Variants in TIMM29 observed in about 807,000 individuals in gnomAD.
TIMM29 encodes mitochondrial import inner membrane translocase subunit Tim29.
Under a neutral mutation model 19.5 loss-of-function variants are expected in TIMM29, and 23 were observed. The observed-to-expected ratio is 1.18, with a 90% CI of 0.85 to 1.67. The LOEUF is 1.67. Ranked by LOEUF, TIMM29 falls within the 40% of genes most tolerant of loss-of-function variation. The pLI is 0.00. For missense variants in TIMM29, 404 were observed against 384.7 expected (o/e 1.05, Z -0.42); for synonymous variants, 209 against 185.0 (o/e 1.13, Z -1.05).
chr19:10,928,998 G>T lies in TIMM29; in HGVS notation c.95-16G>T. On this transcript the variant is annotated splice_polypyrimidine_tract_variant and intron_variant, in intron 1 of 1. Coordinates refer to ENST00000270502, the MANE Select transcript of TIMM29 (RefSeq NM_138358.4). ...GCCGCGGCCGGATCACTCTTACCGC[G>T]CTCCTCTCCCCTCAGGGTCCTGGGC... 3 of 1,460,234 alleles carry T rather than the reference G, an allele frequency of 2.1e-6. No homozygotes were observed. Among genetic ancestry groups the T allele is most frequent in the Non-Finnish European group, 2.7e-6 (3 of 1,121,378 alleles). The allele number at this position is 1,460,234 out of a possible 1,614,324, so 90.5% of individuals were successfully genotyped here.
Position 10,929,168 on chromosome 19 carries a change from C to T in TIMM29, c.249C>T (p.Phe83=). 1 of 1,455,492 alleles carries T rather than the reference C, an allele frequency of 6.9e-7. No individual in the cohort carries two copies. Among genetic ancestry groups the T allele is most frequent in the South Asian group, 1.4e-5 (1 of 70,886 alleles). The allele number at this position is 1,455,492 out of a possible 1,614,324, so 90.2% of individuals were successfully genotyped here. A position where few individuals can be genotyped will look rare whatever the true frequency, so the allele number is the denominator to read the frequency against. ...CGCTGGCGCCCAGCGAGGGTGCCTT[C>T]GAGGAGGCGCTGCTGGAGGCGTCGG... ...CFTLAPSEGA[F]EEALLEASGT... The change falls in exon 2 of 2, where the codon TTC becomes TTT. Residue 83 remains phenylalanine (F), a synonymous_variant. Transcript: ENST00000270502.
rs1568367285 is a variant in TIMM29 at position 10,929,132 on chromosome 19, G to A, written c.213G>A (p.Ala71=). 2.7e-6 allele frequency: 4 copies of A among 1,454,706 alleles called. No individual in the cohort carries two copies. Among genetic ancestry groups the A allele is most frequent in the Non-Finnish European group, 3.6e-6 (4 of 1,115,528 alleles). The allele number at this position is 1,454,706 out of a possible 1,614,324, so 90.1% of individuals were successfully genotyped here. The change falls in exon 2 of 2, where the codon GCG becomes GCA. Residue 71 remains alanine, a synonymous_variant. Transcript: ENST00000270502. ...AVYVGLLGGA[A]ACFTLAPSEG... ...ATGTGGGTCTGCTGGGCGGCGCGGC[G>A]GCCTGCTTCACGCTGGCGCCCAGCG...
In TIMM29 at chr19:10,929,056, G is replaced by A; in HGVS notation, c.137G>A (p.Cys46Tyr). 1 of 1,472,250 alleles carries A rather than the reference G, an allele frequency of 6.8e-7. No individual in the cohort carries two copies. Among genetic ancestry groups the A allele is most frequent in the Non-Finnish European group, 8.9e-7 (1 of 1,125,632 alleles). 91.2% of individuals were successfully genotyped at this position (1,472,250 alleles called of 1,614,324 possible). Residue 46 changes from cysteine (C) to tyrosine (Y), a missense_variant, in exon 2 of 2, where the codon TGC (cysteine) becomes TAC (tyrosine). Transcript: ENST00000270502. Reference sequence around the variant, plus strand: ...CTGCTCCGGGACTACGCCGAGGCCTGCAGGGACGCTTCGGCGGAGGCTAGG... The same window carrying A: ...CTGCTCCGGGACTACGCCGAGGCCTACAGGGACGCTTCGGCGGAGGCTAGG... The part of the protein sequence containing the change: ...RALLRDYAEA[C>Y]RDASAEARAR...
In TIMM29 at chr19:10,929,333, C is replaced by T; in HGVS notation, c.414C>T (p.Phe138=). ...GLCSLVYEAP[F]DAQASLYQAR... ...GCTCGCTGGTGTACGAGGCGCCCTT[C>T]GACGCCCAGGCCAGCCTCTACCAGG... Residue 138 remains phenylalanine (F), a synonymous_variant, in exon 2 of 2, where the codon TTC becomes TTT. Coordinates refer to ENST00000270502, the MANE Select transcript of TIMM29 (RefSeq NM_138358.4). The T allele has an allele frequency of 6.4e-7, 1 of 1,565,994 alleles. No individual in the cohort carries two copies. Among genetic ancestry groups the T allele is most frequent in the African/African-American group, 1.4e-5 (1 of 74,000 alleles).
chr19:10,929,629 T>C lies in TIMM29; in HGVS notation c.710T>C (p.Leu237Ser). 1 of 1,612,934 alleles carries C rather than the reference T, an allele frequency of 6.2e-7. No individual in the cohort carries two copies. ...VDQALWEEQVLQKEKKDRLAL... is the reference protein window; with the variant it reads ...VDQALWEEQVSQKEKKDRLAL... ...CAGGCGCTGTGGGAGGAGCAGGTCT[T>C]GCAGAAGGAGAAGAAGGACAGGCTC... Residue 237 changes from leucine to serine, a missense_variant, in exon 2 of 2, where the codon TTG (leucine) becomes TCG (serine). By Grantham distance (145) the Leu-to-Ser change is moderately radical (BLOSUM62 -2). Coordinates refer to ENST00000270502, the MANE Select transcript of TIMM29 (RefSeq NM_138358.4).
At position 10,930,008 on chromosome 19, in the gene TIMM29, G is replaced by T; in HGVS notation, c.*306G>T. 3.3e-6 allele frequency: 1 copy of T among 303,318 alleles called. No homozygotes were observed. Among genetic ancestry groups the T allele is most frequent in the Non-Finnish European group, 6.1e-6 (1 of 162,866 alleles). The allele number at this position is 303,318 out of a possible 1,614,324, so 18.8% of individuals were successfully genotyped here. On this transcript the variant is annotated 3_prime_UTR_variant, in exon 2 of 2. Transcript: ENST00000270502. ...GGGCCTCAGAGGCCCTCCTTAAGGA[G>T]GTACCACATTGGTCAGCTGACTTGC... is the stretch of plus-strand genomic sequence containing the variant.
rs994030404 is a variant in TIMM29 at position 10,929,684 on chromosome 19, G to A, written c.765G>A (p.Gln255=). The A allele has an allele frequency of 1.2e-6, 2 of 1,606,460 alleles. No individual in the cohort carries two copies. The highest frequency in any genetic ancestry group is 1.3e-5 in the African/African-American group (1 of 74,852). Residue 255 remains glutamine (Q), a synonymous_variant, in exon 2 of 2, where the codon CAG becomes CAA. Coordinates refer to ENST00000270502, the MANE Select transcript of TIMM29 (RefSeq NM_138358.4). ...LALSQAHSLV[Q]AEAPR ...TGAGCCAGGCCCACTCGCTGGTGCA[G>A]GCGGAGGCCCCGAGATGAAACCCTG...
chr19:10,929,427 G>T lies in TIMM29; in HGVS notation c.508G>T (p.Gly170Cys), dbSNP rs1396767589. The change falls in exon 2 of 2, where the codon GGT becomes TGT. Residue 170 changes from glycine (G) to cysteine (C), a missense_variant. Physicochemically the swap from Gly to Cys is radical, Grantham distance 159. Transcript: ENST00000270502. Reference protein sequence around the residue: ...PGRVLDVGFVGRWWVLGAWMR... With the variant: ...PGRVLDVGFVCRWWVLGAWMR... The stretch of plus-strand genomic sequence containing the variant: ...CCGGGTCCTGGACGTGGGCTTCGTG[G>T]GTCGCTGGTGGGTGCTGGGGGCCTG... 6.2e-7 allele frequency: 1 copy of T among 1,611,772 alleles called. No homozygotes were observed. Among genetic ancestry groups the T allele is most frequent in the Non-Finnish European group, 8.5e-7 (1 of 1,179,660 alleles).
In TIMM29 at chr19:10,928,828, C is replaced by G. The variant is rs1319575487; in HGVS notation, c.6C>G (p.Ala2=). The G allele has an allele frequency of 6.5e-7, 1 of 1,529,028 alleles. No homozygotes were observed. Among genetic ancestry groups the G allele is most frequent in the Non-Finnish European group, 8.8e-7 (1 of 1,141,352 alleles). The allele number at this position is 1,529,028 out of a possible 1,614,324, so 94.7% of individuals were successfully genotyped here. A position where few individuals can be genotyped will look rare whatever the true frequency, so the allele number is the denominator to read the frequency against. The change falls in exon 1 of 2, where the codon GCC becomes GCG. Residue 2 remains alanine (A), a synonymous_variant. Transcript: ENST00000270502. M[A]AAALRRFWSR... is the part of the protein sequence containing the mutation. ...GACCCCCAAGACGGAAGAGGATGGC[C>G]GCGGCGGCTCTGAGGAGATTTTGGT...
At position 10,929,607 on chromosome 19, in the gene TIMM29, GC is replaced by G. The variant is rs775396605; in HGVS notation, c.689del (p.Ala230GlyfsTer18). The G allele has an allele frequency of 4.0e-5, 64 of 1,612,942 alleles. 1 individual carries two copies. The highest frequency in any genetic ancestry group is 3.6e-5 in the Non-Finnish European group (43 of 1,180,038). ...GCTCACCGACGATCAGGTGGACCAG[GC>G]GCTGTGGGAGGAGCAGGTCTTGCAG... ...VVLTDDQVDQ[A>X]LWEEQVLQKE... On this transcript the variant is annotated frameshift_variant, in exon 2 of 2. Transcript: ENST00000270502. LOFTEE classifies it high-confidence loss of function.
In TIMM29 at chr19:10,929,584, T is replaced by C; in HGVS notation, c.665T>C (p.Leu222Pro). The C allele has an allele frequency of 6.2e-7, 1 of 1,613,018 alleles. No individual in the cohort carries two copies. The change falls in exon 2 of 2, where the codon CTC becomes CCC. Residue 222 changes from leucine (L) to proline (P), a missense_variant. Transcript: ENST00000270502. ...LFDEKYKPVVLTDDQVDQALW... is the reference protein window; with the variant it reads ...LFDEKYKPVVPTDDQVDQALW... Reference sequence around the variant, plus strand: ...GATGAGAAGTACAAGCCTGTCGTGCTCACCGACGATCAGGTGGACCAGGCG... The same window carrying C: ...GATGAGAAGTACAAGCCTGTCGTGCCCACCGACGATCAGGTGGACCAGGCG...
chr19:10,928,961 G>T, intron 1 of TIMM29, 45 bp downstream of exon 1: 1 of 1,475,464 alleles, frequency 6.8e-7, no homozygotes, highest in South Asian at 1.3e-5. Context: ...CGCCGCGACA[G>T]GGTGGGTGGC....
In TIMM29 at chr19:10,929,302, G is replaced by T. The variant is rs1181811585; in HGVS notation, c.383G>T (p.Gly128Val). 3 of 1,546,630 alleles carry T rather than the reference G, an allele frequency of 1.9e-6. No individual in the cohort carries two copies. The highest frequency in any genetic ancestry group is 1.4e-5 in the African/African-American group (1 of 73,292). ...GRGRLRYVNL[G>V]LCSLVYEAPF... ...GGCCGCCTGCGCTACGTCAACCTGGGGCTCTGCTCGCTGGTGTACGAGGCG... is the reference window on the plus strand; with the variant it reads ...GGCCGCCTGCGCTACGTCAACCTGGTGCTCTGCTCGCTGGTGTACGAGGCG... The change falls in exon 2 of 2, where the codon GGG becomes GTG. Residue 128 changes from glycine (G) to valine (V), a missense_variant. Coordinates refer to ENST00000270502, the MANE Select transcript of TIMM29 (RefSeq NM_138358.4).
rs1214947138 is a variant in TIMM29, at chr19:10,928,836, C to T, written c.14C>T (p.Ala5Val). Residue 5 changes from alanine (A) to valine (V), a missense_variant, in exon 1 of 2, where the codon GCT becomes GTT. By Grantham distance (64) the Ala-to-Val change is moderately conservative. Coordinates refer to ENST00000270502, the MANE Select transcript of TIMM29 (RefSeq NM_138358.4). MAAA[A>V]LRRFWSRRRA... ...AGACGGAAGAGGATGGCCGCGGCGG[C>T]TCTGAGGAGATTTTGGTCCCGGCGC... 6.5e-7 allele frequency: 1 copy of T among 1,527,318 alleles called. No individual in the cohort carries two copies. Among genetic ancestry groups the T allele is most frequent in the Admixed American group, 2.1e-5 (1 of 46,700 alleles). 94.6% of individuals were successfully genotyped at this position (1,527,318 alleles called of 1,614,324 possible). A position where few individuals can be genotyped will look rare whatever the true frequency, so the allele number is the denominator to read the frequency against.
In TIMM29 at chr19:10,929,371, A is replaced by C. The variant is rs1462749055; in HGVS notation, c.452A>C (p.Tyr151Ser). 6.3e-7 allele frequency: 1 copy of C among 1,598,388 alleles called. No homozygotes were observed. The change falls in exon 2 of 2, where the codon TAC becomes TCC. Residue 151 changes from tyrosine (Y) to serine (S), a missense_variant. Coordinates refer to ENST00000270502, the MANE Select transcript of TIMM29 (RefSeq NM_138358.4). ...QASLYQARCR[Y>S]LQPRWTDFPG... is the part of the protein sequence containing the mutation. ...AGCCTCTACCAGGCGCGTTGCCGCTACCTGCAGCCCCGCTGGACCGACTTC... is the reference window on the plus strand; with the variant it reads ...AGCCTCTACCAGGCGCGTTGCCGCTCCCTGCAGCCCCGCTGGACCGACTTC...
Position 10,930,046 on chromosome 19 carries a change from G to A in TIMM29, c.*344G>A, listed in dbSNP as rs1020725696. 4.2e-5 allele frequency: 9 copies of A among 213,720 alleles called. No individual in the cohort carries two copies. Among genetic ancestry groups the A allele is most frequent in the African/African-American group, 1.6e-4 (7 of 43,468 alleles). The allele number at this position is 213,720 out of a possible 1,614,324, so 13.2% of individuals were successfully genotyped here. On this transcript the variant is annotated 3_prime_UTR_variant, in exon 2 of 2. Transcript: ENST00000270502. ...TCAGCTGACTTGCAAACTCTTCTAA[G>A]GCCACTTAGATTTTCTTTTTCAAGT...
In TIMM29 at chr19:10,929,094, C is replaced by A; in HGVS notation, c.175C>A (p.Arg59Ser). 1 of 1,456,308 alleles carries A rather than the reference C, an allele frequency of 6.9e-7. No individual in the cohort carries two copies. Among genetic ancestry groups the A allele is most frequent in the East Asian group, 2.8e-5 (1 of 35,948 alleles). The allele number at this position is 1,456,308 out of a possible 1,614,324, so 90.2% of individuals were successfully genotyped here. Residue 59 changes from arginine (R) to serine (S), a missense_variant, in exon 2 of 2, where the codon CGC (arginine) becomes AGC (serine). Physicochemically the swap from Arg to Ser is moderately radical, Grantham distance 110. Coordinates refer to ENST00000270502, the MANE Select transcript of TIMM29 (RefSeq NM_138358.4). ...GGCGGAGGCTAGGGCCCGGCCGGGG[C>A]GCGCCGCTGTGTATGTGGGTCTGCT... ...ASAEARARPG[R>S]AAVYVGLLGG...
At position 10,929,238 on chromosome 19, in the gene TIMM29, G is replaced by T; in HGVS notation, c.319G>T (p.Glu107Ter). ...LAPATRNRES[E>*]AFVQRLLWLR... Reference sequence around the variant, plus strand: ...GCCGGCCACCCGCAACCGCGAGTCCGAAGCCTTCGTGCAGAGGCTGCTCTG... The same window carrying T: ...GCCGGCCACCCGCAACCGCGAGTCCTAAGCCTTCGTGCAGAGGCTGCTCTG... Residue 107 changes from glutamate (E) to a stop codon, truncating the protein, a stop_gained, in exon 2 of 2, where the codon GAA (glutamate) becomes TAA (stop). Transcript: ENST00000270502. LOFTEE classifies it high-confidence loss of function. The T allele has an allele frequency of 6.6e-7, 1 of 1,515,588 alleles. No individual in the cohort carries two copies. The highest frequency in any genetic ancestry group is 8.8e-7 in the Non-Finnish European group (1 of 1,136,168). 93.9% of individuals were successfully genotyped at this position (1,515,588 alleles called of 1,614,324 possible).
rs923445690 is a variant in TIMM29, at chr19:10,929,875, C to T, written c.*173C>T. ...CGTCTTTGTTCTTTATTAGCTGAAG[C>T]TAATTCAGAGCCACCTGGGTCCGGG... On this transcript the variant is annotated 3_prime_UTR_variant, in exon 2 of 2. Coordinates refer to ENST00000270502, the MANE Select transcript of TIMM29 (RefSeq NM_138358.4). The T allele has an allele frequency of 6.7e-6, 5 of 749,432 alleles. No homozygotes were observed. The highest frequency in any genetic ancestry group is 8.4e-6 in the Non-Finnish European group (4 of 476,950). The allele number at this position is 749,432 out of a possible 1,614,324, so 46.4% of individuals were successfully genotyped here.
Sources: gnomAD v4.1 joint callset for allele counts on GRCh38, gnomAD v4.1.1 for gene constraint, MANE v1.5 for transcripts, NCBI Gene and HGNC (gene_info 2026-07-23, HGNC 2026-07-21) for gene names.